Variants in P4HA3 observed in about 807,000 individuals in gnomAD.
P4HA3 encodes the protein prolyl 4-hydroxylase subunit alpha 3, also known as prolyl 4-hydroxylase subunit alpha-3.
Under a neutral mutation model 66.7 loss-of-function variants are expected in P4HA3, and 60 were observed. The ratio of observed to expected loss-of-function variants is 0.90; its 90% CI spans 0.73 to 1.12. The LOEUF is 1.12. Among genes scored for constraint, P4HA3 ranks in the 50% most tolerant of loss-of-function variants. P4HA3 has a pLI of 0.00. For synonymous variants in P4HA3, 263 were observed against 274.6 expected (o/e 0.96, Z 0.42); for missense variants, 683 against 685.8 (o/e 1.00, Z 0.05).
At chr11:74,277,177 T>C (rs1343125091) in intron 8 of P4HA3, 33 bp from the exon 9 acceptor site, 2 of 1,586,064 alleles carry the variant, frequency 1.3e-6, no homozygotes, top group East Asian at 2.3e-5. Context: ...GCATCAATGA[T>C]CTGTTGCCCG....
At chr11:74,309,882 A>C (rs1861677992) in intron 1 of P4HA3, among the ~76,000 whole-genome samples, 1 of 152,096 alleles carries the variant, frequency 6.6e-6, no homozygotes, top group African/African-American at 2.4e-5. Flanking sequence ...TCCACCCACA[A>C]AATGCTTCTC....
chr11:74,262,310 A>G (rs780664708), downstream of P4HA3, among the ~76,000 whole-genome samples: 3 of 152,096 alleles, frequency 2.0e-5, no homozygotes, highest in Non-Finnish European at 4.4e-5. Context: ...CTGTCACTCA[A>G]ACCTTAGGGA....
chr11:74,283,522 A>G lies in P4HA3; in HGVS notation c.1110+2287T>C, dbSNP rs146854878. Among the ~76,000 whole-genome samples the G allele has an allele frequency of 1.5e-3, 230 of 152,308 alleles. 2 individuals carry two copies. Among genetic ancestry groups the G allele is most frequent in the African/African-American group, 5.2e-3 (218 of 41,568 alleles). On this transcript the variant is annotated intron_variant, in intron 7 of 12. Coordinates refer to ENST00000331597, the MANE Select transcript of P4HA3 (RefSeq NM_182904.5). Reference sequence around the variant, plus strand: ...TCTTCCTTAAAAATCAGACATGATCATGCAACTCTCCCATTAAAACTGTCC... The same window carrying G: ...TCTTCCTTAAAAATCAGACATGATCGTGCAACTCTCCCATTAAAACTGTCC...
intron 5 of P4HA3, among the ~76,000 whole-genome samples, chr11:74,288,436 C>T (rs1312112546): frequency 6.6e-6 from 1 of 152,188 alleles, no homozygotes; most frequent in East Asian, 1.9e-4. Flanking sequence ...CTTCCAAAAT[C>T]TGGGTCTTTA....
chr11:74,269,561 G>A (rs1458444094), intron 11 of P4HA3, 91 bp downstream of exon 11: 13 of 1,353,062 alleles, frequency 9.6e-6, no homozygotes, highest in Non-Finnish European at 1.3e-5. Flanking sequence ...CTCCTCCCAG[G>A]AATGGGCTTG....
At chr11:74,251,515 A>C in intron 15 of P4HA3, 2 of 1,469,466 alleles carry the variant, frequency 1.4e-6, no homozygotes, top group Non-Finnish European at 1.8e-6. Flanking sequence ...AGGTCCTTTT[A>C]ATTTCAAGCC....
In P4HA3 at chr11:74,269,693, T is replaced by C. The variant is rs570110318; in HGVS notation, c.1426A>G (p.Thr476Ala). 6.2e-7 allele frequency: 1 copy of C among 1,614,060 alleles called. No individual in the cohort carries two copies. The highest frequency in any genetic ancestry group is 1.7e-5 in the Admixed American group (1 of 60,016). ...YLSSVEAGGA[T>A]AFIYANLSVP... Reference sequence around the variant, plus strand: ...CTGAGGTTGGCATAGATGAAGGCTGTGGCTCCTCCAGCTTCCACCGAGCTC... The same window carrying C: ...CTGAGGTTGGCATAGATGAAGGCTGCGGCTCCTCCAGCTTCCACCGAGCTC... The change falls in exon 11 of 13, where the codon ACA becomes GCA. Residue 476 changes from threonine to alanine, a missense_variant. Coordinates refer to ENST00000331597, the MANE Select transcript of P4HA3 (RefSeq NM_182904.5).
chr11:74,293,829 T>C (rs1262419913), intron 4 of P4HA3, among the ~76,000 whole-genome samples: 1 of 152,250 alleles, frequency 6.6e-6, no homozygotes, highest in Non-Finnish European at 1.5e-5. Context: ...GTTAGTCTAA[T>C]GGGCTTCCCT....
intron 15 of P4HA3, chr11:74,255,948 A>G (rs773446284): frequency 1.9e-6 from 1 of 517,030 alleles, no homozygotes; most frequent in Non-Finnish European, 3.9e-6. Context: ...TTGCTGAGCT[A>G]TGTGCCCTCT....
rs774750922 is a variant in P4HA3, at chr11:74,253,514, C to A, written c.*1319-5513G>T. On this transcript the variant is annotated intron_variant and NMD_transcript_variant, in intron 15 of 15. Coordinates refer to the P4HA3 transcript ENST00000524388. ...CAGTGTGTTTCCTGGCTGTTAGTGA[C>A]CTGCTGTCCACCCCTCCTCAACATC... 4 of 1,607,596 alleles carry A rather than the reference C, an allele frequency of 2.5e-6. No individual in the cohort carries two copies. In the Admixed American group the frequency reaches 6.7e-5, roughly 27 times the overall value.
chr11:74,265,898 C>T (rs1261044604), downstream of P4HA3, among the ~76,000 whole-genome samples: 1 of 152,200 alleles, frequency 6.6e-6, no homozygotes, highest in East Asian at 1.9e-4. Context: ...AGGAAGGCAA[C>T]TGACCAAAAT....
At chr11:74,286,101 C>T in intron 6 of P4HA3, 116 bp from the exon 7 acceptor site, 6 of 1,480,070 alleles carry the variant, frequency 4.1e-6, no homozygotes, top group Non-Finnish European at 5.5e-6. Context: ...TGTGGTCACT[C>T]TGATGCTGCC....
chr11:74,267,455 C>A, intron 12 of P4HA3, 137 bp from the exon 13 acceptor site: 2 of 1,057,086 alleles, frequency 1.9e-6, no homozygotes, highest in South Asian at 3.3e-5. Context: ...CTTGCCCAGC[C>A]TAGTCCTGGC....
At chr11:74,250,993 C>T in intron 15 of P4HA3, 2 of 1,600,490 alleles carry the variant, frequency 1.2e-6, no homozygotes, top group East Asian at 2.3e-5. Flanking sequence ...TGTGGCCATG[C>T]AGTCCATGAG....
At chr11:74,273,175 T>C (rs868500177) in intron 10 of P4HA3, among the ~76,000 whole-genome samples, 5 of 152,154 alleles carry the variant, frequency 3.3e-5, no homozygotes, top group South Asian at 2.1e-4. Context: ...CATCTATGGG[T>C]TGTTTTTCAA....
intron 10 of P4HA3, among the ~76,000 whole-genome samples, 166 bp downstream of exon 10, chr11:74,273,379 C>T (rs552279865): frequency 6.6e-6 from 1 of 152,322 alleles, no homozygotes; most frequent in Non-Finnish European, 1.5e-5. Flanking sequence ...TATTTCTTTA[C>T]ATCTCCTACA....
At position 74,258,596 on chromosome 11, in the gene P4HA3, T is replaced by G. The variant is rs1036375744; in HGVS notation, c.*1318+1327A>C. Among the ~76,000 whole-genome samples the G allele has an allele frequency of 2.0e-5, 3 of 152,144 alleles. No homozygotes were observed. In the South Asian group the frequency reaches 6.2e-4, roughly 32 times the overall value. ...TCCAGGGTCATACCTTAGCACAATC[T>G]GGACTAGAGCTCAGGCCACCTGACT... On this transcript the variant is annotated intron_variant and NMD_transcript_variant, in intron 15 of 15. Coordinates refer to the P4HA3 transcript ENST00000524388.
chr11:74,262,571 C>G (rs539512065), downstream of P4HA3, among the ~76,000 whole-genome samples: 62 of 152,286 alleles, frequency 4.1e-4, 1 homozygote, highest in Admixed American at 2.4e-3. Context: ...TCAGTGATGT[C>G]TTTTCTTTAA....
At position 74,285,839 on chromosome 11, in the gene P4HA3, A is replaced by G; in HGVS notation, c.1080T>C (p.Ala360=). ...LYHDFVSDSE[A]QKIRELAEPW... ...GTTCTGCAAGTTCTCTAATTTTCTG[A>G]GCCTCTGAGTCACTGACGAAGTCAT... is the stretch of plus-strand genomic sequence containing the variant. The change falls in exon 7 of 13, where the codon GCT becomes GCC. Residue 360 remains alanine, a synonymous_variant. Transcript: ENST00000331597. 6.2e-7 allele frequency: 1 copy of G among 1,613,890 alleles called. No homozygotes were observed. The highest frequency in any genetic ancestry group is 8.5e-7 in the Non-Finnish European group (1 of 1,179,904).
Sources: allele counts gnomAD v4.1 joint callset (sites outside exome capture counted in the v4.1 genomes callset), GRCh38; gene constraint gnomAD v4.1.1; transcripts MANE v1.5; gene names NCBI Gene and HGNC (gene_info 2026-07-23, HGNC 2026-07-21).